The following SEZ6L2 variants were observed in gnomAD, a reference collection of about 807,000 sequenced individuals.
SEZ6L2 encodes the protein seizure 6-like protein 2.
In SEZ6L2, 44 loss-of-function variants were observed where a neutral mutation model predicts 97.0. The observed-to-expected ratio is 0.45, with a 90% CI of 0.36 to 0.58. The LOEUF is 0.58. Among genes scored for constraint, SEZ6L2 ranks in the 20% least tolerant of loss-of-function variants. The probability of loss-of-function intolerance (pLI) is 0.00; values close to 1 mark genes in which losing one functional copy is unlikely to be tolerated. For synonymous variants in SEZ6L2, 543 were observed against 546.1 expected (o/e 0.99, Z 0.08); for missense variants, 1,086 against 1,233.3 (o/e 0.88, Z 1.79).
intron 9 of SEZ6L2, 119 bp downstream of exon 9, chr16:29,879,745 C>T: frequency 4.4e-6 from 4 of 915,762 alleles, no homozygotes; most frequent in Non-Finnish European, 6.6e-6. Flanking sequence ...GGGATTTACC[C>T]AAGGCTTGGG....
chr16:29,897,842 G>T lies in SEZ6L2; in HGVS notation c.211+11C>A, dbSNP rs2068438746. ...GCCTCTAGGCCACTCCTGCCACTCTGGGGGCCTCACCTGGCAGGTAGCCCA... is the reference window on the plus strand; with the variant it reads ...GCCTCTAGGCCACTCCTGCCACTCTTGGGGCCTCACCTGGCAGGTAGCCCA... On this transcript the variant is annotated intron_variant, in intron 2 of 17. Transcript: ENST00000617533. 1.9e-6 allele frequency: 3 copies of T among 1,595,458 alleles called. No individual in the cohort carries two copies. The South Asian group carries it at 3.4e-5, about 18-fold the overall frequency.
chr16:29,872,050 C>T (rs1412253592), intron 17 of SEZ6L2, 137 bp downstream of exon 17: 2 of 704,474 alleles, frequency 2.8e-6, no homozygotes, highest in African/African-American at 1.8e-5. Context: ...ACATGGCTTG[C>T]TATGCTCATT....
In SEZ6L2 at chr16:29,897,857, C is replaced by T. The variant is rs770126717; in HGVS notation, c.207G>A (p.Leu69=). 1 of 1,603,012 alleles carries T rather than the reference C, an allele frequency of 6.2e-7. No homozygotes were observed. The highest frequency in any genetic ancestry group is 8.5e-7 in the Non-Finnish European group (1 of 1,176,718). ...LLRRGPEMGY[L]PGSDRDPTLA... Reference sequence around the variant, plus strand: ...CTGCCACTCTGGGGGCCTCACCTGGCAGGTAGCCCATCTCTGGGCCCCTCC... The same window carrying T: ...CTGCCACTCTGGGGGCCTCACCTGGTAGGTAGCCCATCTCTGGGCCCCTCC... The change falls in exon 2 of 18, where the codon CTG becomes CTA. Residue 69 remains leucine (L), a synonymous_variant. Coordinates refer to ENST00000617533, the MANE Select transcript of SEZ6L2 (RefSeq NM_001243332.2).
intron 8 of SEZ6L2, among the ~76,000 whole-genome samples, chr16:29,882,639 G>A (rs946422337): frequency 3.3e-5 from 5 of 151,168 alleles, no homozygotes; most frequent in Admixed American, 2.6e-4. Flanking sequence ...AGGCTGGAGC[G>A]TGCAATGGTG....
intron 9 of SEZ6L2, among the ~76,000 whole-genome samples, chr16:29,879,512 A>T (rs1190188315): frequency 6.6e-6 from 1 of 152,194 alleles, no homozygotes; most frequent in Non-Finnish European, 1.5e-5. Context: ...GGCGTGAGCC[A>T]CCGTGCCCAG....
chr16:29,877,085 C>T, intron 11 of SEZ6L2, 135 bp from the exon 12 acceptor site: 1 of 1,113,692 alleles, frequency 9.0e-7, no homozygotes, highest in Non-Finnish European at 1.3e-6. Context: ...TTTCCTGTCG[C>T]CCAGGCTGGA....
intron 8 of SEZ6L2, among the ~76,000 whole-genome samples, chr16:29,884,500 G>A (rs755729801): frequency 3.8e-4 from 58 of 151,992 alleles, no homozygotes; most frequent in Non-Finnish European, 7.8e-4. Context: ...GCTAAGGAAT[G>A]AGAATCGCTT....
Position 29,899,388 on chromosome 16 carries a change from A to C in SEZ6L2, c.-369T>G. ...GGCTGTCTGGACCCCAAGCTAGGGG[A>C]CTGGGGAGGAGAAAGACAGCTTCTG... On this transcript the variant is annotated 5_prime_UTR_variant, in exon 1 of 18. Transcript: ENST00000617533. 7.9e-6 allele frequency: 2 copies of C among 252,318 alleles called. No homozygotes were observed. The highest frequency in any genetic ancestry group is 1.5e-5 in the Non-Finnish European group (2 of 133,992). 15.6% of individuals were successfully genotyped at this position (252,318 alleles called of 1,614,324 possible).
chr16:29,872,404 C>A lies in SEZ6L2; in HGVS notation c.2645+5G>T. The A allele has an allele frequency of 6.2e-7, 1 of 1,613,900 alleles. No homozygotes were observed. The highest frequency in any genetic ancestry group is 1.3e-5 in the African/African-American group (1 of 75,064). Reference sequence around the variant, plus strand: ...TGGCCGGCAGTCCCCAAGCAGGCTACTTACTTGGTGTAGTAGATGTAAACG... The same window carrying A: ...TGGCCGGCAGTCCCCAAGCAGGCTAATTACTTGGTGTAGTAGATGTAAACG... On this transcript the variant is annotated splice_donor_5th_base_variant and intron_variant, in intron 16 of 17. Transcript: ENST00000617533.
Position 29,879,982 on chromosome 16 carries a change from T to C in SEZ6L2, c.1455A>G (p.Ala485=). Reference sequence around the variant, plus strand: ...CTGGGAGGCACGAGAAGGTTGCCAGTGCCCCTGGGCGATACTCAGGGTCCG... The same window carrying C: ...CTGGGAGGCACGAGAAGGTTGCCAGCGCCCCTGGGCGATACTCAGGGTCCG... The part of the protein sequence containing the change: ...TTTDPEYRPG[A]LATFSCLPGY... Residue 485 remains alanine (A), a synonymous_variant, in exon 9 of 18, where the codon GCA becomes GCG. Coordinates refer to ENST00000617533, the MANE Select transcript of SEZ6L2 (RefSeq NM_001243332.2). 1 of 1,614,184 alleles carries C rather than the reference T, an allele frequency of 6.2e-7. No individual in the cohort carries two copies. Among genetic ancestry groups the C allele is most frequent in the South Asian group, 1.1e-5 (1 of 91,090 alleles).
chr16:29,879,879 C>G lies in SEZ6L2; in HGVS notation c.1558G>C (p.Glu520Gln). ...GAAGGCTCACCTTTGCAGGCCGGCT[C>G]TGTGTCGTTCCAGTGGGGTTCTGTG... ...DPTEPHWNDT[E>Q]PACKAMCGGE... Residue 520 changes from glutamate to glutamine, a missense_variant, in exon 9 of 18, where the codon GAG becomes CAG. By Grantham distance (29) the Glu-to-Gln change is conservative. This residue lies in a region of SEZ6L2 where 776 missense variants were observed against 794.7 expected (regional missense o/e 0.98). Transcript: ENST00000617533. 6.2e-7 allele frequency: 1 copy of G among 1,607,580 alleles called. No homozygotes were observed. The highest frequency in any genetic ancestry group is 1.3e-5 in the African/African-American group (1 of 74,954).
intron 7 of SEZ6L2, among the ~76,000 whole-genome samples, chr16:29,886,716 A>G (rs921697521): frequency 4.0e-5 from 6 of 151,680 alleles, no homozygotes; most frequent in South Asian, 4.2e-4. Context: ...AGACACTTTT[A>G]TAGTGCTTAT....
Position 29,873,102 on chromosome 16 carries a change from G to T in SEZ6L2, c.2488+138C>A. 2 of 981,578 alleles carry T rather than the reference G, an allele frequency of 2.0e-6. No homozygotes were observed. Among genetic ancestry groups the T allele is most frequent in the Non-Finnish European group, 3.0e-6 (2 of 668,578 alleles). 60.8% of individuals were successfully genotyped at this position (981,578 alleles called of 1,614,324 possible). A position where few individuals can be genotyped will look rare whatever the true frequency, so the allele number is the denominator to read the frequency against. Reference sequence around the variant, plus strand: ...CGACCCAGGGCTTCTGGACACACCCGTGAGGACACGAGGCCACAGGAGGAG... The same window carrying T: ...CGACCCAGGGCTTCTGGACACACCCTTGAGGACACGAGGCCACAGGAGGAG... On this transcript the variant is annotated intron_variant, in intron 14 of 17. Transcript: ENST00000617533. This position sits in a 1 kb window ranked among gnomAD's most constrained non-coding sequence, Gnocchi z 4.3.
intron 7 of SEZ6L2, 79 bp downstream of exon 7, chr16:29,887,570 C>T (rs1180339512): frequency 2.1e-6 from 3 of 1,420,814 alleles, no homozygotes; most frequent in African/African-American, 1.5e-5. Context: ...CTTCGGCCTC[C>T]CAAAGTACTG....
intron 8 of SEZ6L2, among the ~76,000 whole-genome samples, chr16:29,881,044 G>T (rs953939233): frequency 2.0e-5 from 3 of 152,058 alleles, no homozygotes; most frequent in Non-Finnish European, 2.9e-5. Flanking sequence ...AAAGTGCTGG[G>T]ATTACAGGTA....
chr16:29,885,413 G>GC (rs2068115835), intron 8 of SEZ6L2, among the ~76,000 whole-genome samples, 173 bp downstream of exon 8: 1 of 152,050 alleles, frequency 6.6e-6, no homozygotes, highest in Admixed American at 6.6e-5. Flanking sequence ...GGGGGAAGGA[G>GC]AAGGGGTCCC....
intron 17 of SEZ6L2, 134 bp downstream of exon 17, chr16:29,872,053 T>C (rs1349693702): frequency 9.8e-6 from 7 of 715,460 alleles, no homozygotes; most frequent in African/African-American, 7.2e-5. Flanking sequence ...TGGCTTGCTA[T>C]GCTCATTGAC....
chr16:29,882,391 C>T (rs1270309631), intron 8 of SEZ6L2, among the ~76,000 whole-genome samples: 1 of 151,862 alleles, frequency 6.6e-6, no homozygotes, highest in African/African-American at 2.4e-5. Flanking sequence ...AGCCTGACCA[C>T]CATGGTGAAA....
chr16:29,894,583 T>A (rs947545895), intron 5 of SEZ6L2, among the ~76,000 whole-genome samples: 1 of 152,156 alleles, frequency 6.6e-6, no homozygotes, highest in Non-Finnish European at 1.5e-5. Flanking sequence ...CCTTATCTCC[T>A]TGAATTATAA....
Sources: allele counts gnomAD v4.1 joint callset (sites outside exome capture counted in the v4.1 genomes callset), GRCh38; gene constraint gnomAD v4.1.1; regional missense constraint gnomAD v4.1.1; non-coding constraint Gnocchi (gnomAD v3.1); transcripts MANE v1.5; gene names NCBI Gene and HGNC (gene_info 2026-07-23, HGNC 2026-07-21).